Variants in ACBD3 observed in about 807,000 individuals in gnomAD.
ACBD3 encodes acyl-CoA binding domain containing 3, also known as Golgi resident protein GCP60.
ACBD3 carries 30 observed loss-of-function variants against 66.9 expected under a neutral mutation model. The observed-to-expected ratio is 0.45, with a 90% CI of 0.34 to 0.61. The LOEUF is 0.61. Ranked by LOEUF, ACBD3 falls within the 20% of genes least tolerant of loss-of-function variation. The pLI, the probability that ACBD3 is intolerant of heterozygous loss-of-function variation, is 0.02. For synonymous variants in ACBD3, 278 were observed against 259.8 expected (o/e 1.07, Z -0.68); for missense variants, 544 against 664.5 (o/e 0.82, Z 1.99).
chr1:226,177,876 G>A (rs1191282255), intron 1 of ACBD3, among the ~76,000 whole-genome samples: 1 of 151,974 alleles, frequency 6.6e-6, no homozygotes, highest in Non-Finnish European at 1.5e-5. Flanking sequence ...CTGAGTAGCT[G>A]GGGCTACAGG....
At chr1:226,168,800 A>G (rs911524790) in intron 1 of ACBD3, among the ~76,000 whole-genome samples, 5 of 104,908 alleles carry the variant, frequency 4.8e-5, no homozygotes, top group Non-Finnish European at 9.8e-5. Flanking sequence ...TTAATCACCA[A>G]AAGTTTTCTT....
Position 226,186,702 on chromosome 1 carries a change from G to A in ACBD3, c.-27C>T, listed in dbSNP as rs1226295809. ...TCCGGCTGCTGCACCTCCTCAGCGG[G>A]GACAGACGGCAGCCACGTATCGACT... On this transcript the variant is annotated 5_prime_UTR_variant, in exon 1 of 8. Transcript: ENST00000366812. 4 of 1,457,996 alleles carry A rather than the reference G, an allele frequency of 2.7e-6. No individual in the cohort carries two copies. The highest frequency in any genetic ancestry group is 2.9e-5 in the East Asian group (1 of 34,630). The allele number at this position is 1,457,996 out of a possible 1,614,324, so 90.3% of individuals were successfully genotyped here.
chr1:226,162,396 T>G (rs1659789328), intron 3 of ACBD3, among the ~76,000 whole-genome samples: 1 of 152,166 alleles, frequency 6.6e-6, no homozygotes, highest in South Asian at 2.1e-4. Flanking sequence ...TCAGTTTGTG[T>G]TTCATATACT....
chr1:226,163,694 G>C (rs887628720), intron 3 of ACBD3, among the ~76,000 whole-genome samples: 7 of 152,122 alleles, frequency 4.6e-5, no homozygotes, highest in African/African-American at 1.7e-4. Context: ...ACCCCTGACT[G>C]CCATGCTTTT....
intron 1 of ACBD3, among the ~76,000 whole-genome samples, chr1:226,179,742 C>T (rs1156940789): frequency 6.6e-6 from 1 of 151,970 alleles, no homozygotes; most frequent in Non-Finnish European, 1.5e-5. Context: ...CCTGTAATCC[C>T]AGCTACTTGG....
At chr1:226,175,982 A>C (rs1017933052) in intron 1 of ACBD3, among the ~76,000 whole-genome samples, 1 of 152,232 alleles carries the variant, frequency 6.6e-6, no homozygotes, top group African/African-American at 2.4e-5. Flanking sequence ...GGTTACTTGC[A>C]AAGGCAGAAT....
chr1:226,184,989 A>G (rs1656264100), intron 1 of ACBD3, among the ~76,000 whole-genome samples: 1 of 151,436 alleles, frequency 6.6e-6, no homozygotes, highest in Admixed American at 6.6e-5. Context: ...GTTCATTTCT[A>G]CTCTTACTCT....
At chr1:226,183,296 C>T (rs1456113498) in intron 1 of ACBD3, among the ~76,000 whole-genome samples, 1 of 152,118 alleles carries the variant, frequency 6.6e-6, no homozygotes, top group Non-Finnish European at 1.5e-5. Context: ...CTGCCTCAGC[C>T]TCCCAAGTAG....
intron 1 of ACBD3, among the ~76,000 whole-genome samples, chr1:226,170,151 C>CTA: frequency 7.3e-6 from 1 of 136,774 alleles, no homozygotes; most frequent in South Asian, 2.2e-4. Flanking sequence ...TTTTCCTTTC[C>CTA]TTTTTTTTTT....
intron 1 of ACBD3, among the ~76,000 whole-genome samples, 169 bp from the exon 2 acceptor site, chr1:226,166,169 A>G (rs1461532959): frequency 6.6e-6 from 1 of 152,096 alleles, no homozygotes; most frequent in East Asian, 1.9e-4. Context: ...AAATTTTTTT[A>G]TTTTTAGACA....
At chr1:226,158,485 G>C (rs527989361) in intron 5 of ACBD3, among the ~76,000 whole-genome samples, 1 of 152,306 alleles carries the variant, frequency 6.6e-6, no homozygotes, top group African/African-American at 2.4e-5. Context: ...AGGTTAACAG[G>C]ACAGGTGCTT....
intron 3 of ACBD3, among the ~76,000 whole-genome samples, chr1:226,164,476 G>A (rs985003195): frequency 6.6e-6 from 1 of 152,210 alleles, no homozygotes; most frequent in Non-Finnish European, 1.5e-5. Context: ...CCAGAGGATA[G>A]GGAGGAGGGA....
In ACBD3 at chr1:226,146,268, A is replaced by G. The variant is rs1659447753; in HGVS notation, c.*342T>C. On this transcript the variant is annotated 3_prime_UTR_variant, in exon 8 of 8. Coordinates refer to ENST00000366812, the MANE Select transcript of ACBD3 (RefSeq NM_022735.4). The stretch of plus-strand genomic sequence containing the variant: ...CTCTCATAAGACACATGGAGCAGGC[A>G]GCAAGGGGCTAACCATCAGCCGGGT... 1 of 217,302 alleles carries G rather than the reference A, an allele frequency of 4.6e-6. No homozygotes were observed. The highest frequency in any genetic ancestry group is 9.2e-6 in the Non-Finnish European group (1 of 108,282). 13.5% of individuals were successfully genotyped at this position (217,302 alleles called of 1,614,324 possible).
At chr1:226,162,378 G>C (rs988859245) in intron 3 of ACBD3, among the ~76,000 whole-genome samples, 2 of 151,944 alleles carry the variant, frequency 1.3e-5, no homozygotes, top group Admixed American at 1.3e-4. Context: ...TGGGAAAAAA[G>C]ATTTTTTTCA....
intron 7 of ACBD3, among the ~76,000 whole-genome samples, chr1:226,149,229 ATTTT>A (rs530087804): frequency 6.9e-6 from 1 of 144,364 alleles, no homozygotes; most frequent in Admixed American, 6.9e-5. Flanking sequence ...AAGCTCTTTC[ATTTT>A]TTTTTTTTTT....
chr1:226,145,835 CAA>C lies in ACBD3; in HGVS notation c.*773_*774del. 1 of 70,318 alleles carries C rather than the reference CAA, an allele frequency of 1.4e-5. No homozygotes were observed. Among genetic ancestry groups the C allele is most frequent in the Non-Finnish European group, 3.4e-5 (1 of 29,272 alleles). 4.4% of individuals were successfully genotyped at this position (70,318 alleles called of 1,614,324 possible). ...TTCAATTTGAGATACTCTATGAAGCCAAAACAAAACAAAACAAAACAAAAAAC... is the reference window on the plus strand; with the variant it reads ...TTCAATTTGAGATACTCTATGAAGCCAACAAAACAAAACAAAACAAAAAAC... On this transcript the variant is annotated 3_prime_UTR_variant, in exon 8 of 8. Transcript: ENST00000366812.
intron 7 of ACBD3, among the ~76,000 whole-genome samples, chr1:226,151,810 A>G (rs1381907757): frequency 6.6e-6 from 1 of 152,120 alleles, no homozygotes; most frequent in African/African-American, 2.4e-5. Context: ...GTTCGAGACC[A>G]GCCTGACCAA....
chr1:226,157,597 T>G (rs1352064310), intron 5 of ACBD3, among the ~76,000 whole-genome samples: 1 of 152,132 alleles, frequency 6.6e-6, no homozygotes, highest in South Asian at 2.1e-4. Context: ...TGGAATGTAG[T>G]GGCGCCATCA....
In ACBD3 at chr1:226,186,703, G is replaced by C. The variant is rs770943289; in HGVS notation, c.-28C>G. On this transcript the variant is annotated 5_prime_UTR_variant, in exon 1 of 8. Transcript: ENST00000366812. ...CCGGCTGCTGCACCTCCTCAGCGGG[G>C]ACAGACGGCAGCCACGTATCGACTT... The C allele has an allele frequency of 1.4e-6, 2 of 1,457,236 alleles. No homozygotes were observed. Among genetic ancestry groups the C allele is most frequent in the East Asian group, 5.8e-5 (2 of 34,606 alleles). 90.3% of individuals were successfully genotyped at this position (1,457,236 alleles called of 1,614,324 possible).
Sources: allele counts gnomAD v4.1 joint callset (sites outside exome capture counted in the v4.1 genomes callset), GRCh38; gene constraint gnomAD v4.1.1; transcripts MANE v1.5; gene names NCBI Gene and HGNC (gene_info 2026-07-23, HGNC 2026-07-21).